Variants in PEX5L observed in about 807,000 individuals in gnomAD.
PEX5L encodes peroxisomal biogenesis factor 5 like.
PEX5L carries 30 observed loss-of-function variants against 84.0 expected under a neutral mutation model. The ratio of observed to expected loss-of-function variants is 0.36; its 90% CI spans 0.27 to 0.48. PEX5L has a LOEUF of 0.48. Ranked by LOEUF, PEX5L falls within the 20% of genes least tolerant of loss-of-function variation. The pLI, the probability that PEX5L is intolerant of heterozygous loss-of-function variation, is 0.99. For missense variants in PEX5L, 533 were observed against 754.6 expected (o/e 0.71, Z 3.44); for synonymous variants, 270 against 283.1 (o/e 0.95, Z 0.46).
rs1718901670 is a variant in PEX5L at position 179,801,715 on chromosome 3, C to T, written c.*113G>A. On this transcript the variant is annotated 3_prime_UTR_variant, in exon 15 of 15. Coordinates refer to ENST00000467460, the MANE Select transcript of PEX5L (RefSeq NM_016559.3). Reference sequence around the variant, plus strand: ...AATTAATTTCCTTGGGCTATATGACCATGGCCTTTTGAATATTTGATTTAT... The same window carrying T: ...AATTAATTTCCTTGGGCTATATGACTATGGCCTTTTGAATATTTGATTTAT... 3.8e-6 allele frequency: 3 copies of T among 787,798 alleles called. No individual in the cohort carries two copies. The highest frequency in any genetic ancestry group is 3.5e-5 in the African/African-American group (2 of 57,930). The allele number at this position is 787,798 out of a possible 1,614,324, so 48.8% of individuals were successfully genotyped here. A position where few individuals can be genotyped will look rare whatever the true frequency, so the allele number is the denominator to read the frequency against.
chr3:179,901,728 G>A (rs74368331), intron 2 of PEX5L, among the ~76,000 whole-genome samples: 2,933 of 152,062 alleles, frequency 0.019, 71 homozygotes, highest in African/African-American at 0.061. Flanking sequence ...TATTTCTTCC[G>A]TCATTTGTTT....
intron 2 of PEX5L, among the ~76,000 whole-genome samples, chr3:179,926,280 A>G (rs1258986535): frequency 6.6e-6 from 1 of 152,176 alleles, no homozygotes; most frequent in Admixed American, 6.5e-5. Flanking sequence ...CAACCAGAGG[A>G]AAAGGCAAAT....
chr3:179,916,414 A>AAAT (rs1767114894), intron 2 of PEX5L, among the ~76,000 whole-genome samples: 1 of 152,184 alleles, frequency 6.6e-6, no homozygotes, highest in African/African-American at 2.4e-5. Flanking sequence ...TGTAGAGTAA[A>AAAT]AATATAATAT....
intron 7 of PEX5L, among the ~76,000 whole-genome samples, chr3:179,871,944 T>C (rs1288198661): frequency 6.6e-6 from 1 of 152,192 alleles, no homozygotes; most frequent in Non-Finnish European, 1.5e-5. Context: ...TGGAGTGCAG[T>C]GGCTCAGTCT....
intron 2 of PEX5L, among the ~76,000 whole-genome samples, chr3:179,963,394 G>C (rs1782550955): frequency 1.3e-5 from 2 of 152,246 alleles, no homozygotes; most frequent in Non-Finnish European, 2.9e-5. Flanking sequence ...TTCTTTGGAA[G>C]TACTTCAATT....
At chr3:179,831,778 C>T (rs1322685476) in intron 8 of PEX5L, among the ~76,000 whole-genome samples, 8 of 152,056 alleles carry the variant, frequency 5.3e-5, no homozygotes, top group Non-Finnish European at 1.2e-4. Flanking sequence ...AAGAAAATTT[C>T]CAGTAGGAGG....
At position 180,003,328 on chromosome 3, in the gene PEX5L, G is replaced by T. The variant is rs115784596; in HGVS notation, c.22-31663C>A. Among the ~76,000 whole-genome samples, 635 of 151,872 alleles carry T rather than the reference G, an allele frequency of 4.2e-3. 10 individuals are homozygous for T. The highest frequency in any genetic ancestry group is 0.015 in the African/African-American group (609 of 41,414). On this transcript the variant is annotated intron_variant, in intron 1 of 14. Transcript: ENST00000467460. ...CCATGCTTATGTGTTTCTGAGTGAG[G>T]AGCATATTAGGTTTTGTAAAAGACT...
At chr3:179,945,274 C>T (rs888456198) in intron 2 of PEX5L, among the ~76,000 whole-genome samples, 1 of 152,088 alleles carries the variant, frequency 6.6e-6, no homozygotes, top group South Asian at 2.1e-4. Flanking sequence ...ATTGGGACAC[C>T]AGGGCTGGGA....
rs1166520048 is a variant in PEX5L at position 179,799,477 on chromosome 3, T to G, written c.*2351A>C. The G allele has an allele frequency of 1.3e-5, 2 of 152,198 alleles. No homozygotes were observed. The highest frequency in any genetic ancestry group is 1.3e-4 in the Admixed American group (2 of 15,278). The allele number at this position is 152,198 out of a possible 1,614,324, so 9.4% of individuals were successfully genotyped here. The stretch of plus-strand genomic sequence containing the variant: ...TGTGTTCCAATAGCAAAATAAAACT[T>G]GGGCCACAAAATTTGCCACCATTTA... On this transcript the variant is annotated 3_prime_UTR_variant, in exon 15 of 15. Coordinates refer to ENST00000467460, the MANE Select transcript of PEX5L (RefSeq NM_016559.3).
chr3:179,849,216 T>C (rs954778317), intron 8 of PEX5L, among the ~76,000 whole-genome samples: 1 of 152,258 alleles, frequency 6.6e-6, no homozygotes, highest in Admixed American at 6.5e-5. Context: ...ACTTTATTGC[T>C]ATTTATACAA....
intron 1 of PEX5L, among the ~76,000 whole-genome samples, chr3:180,013,659 C>T (rs992731157): frequency 5.3e-5 from 8 of 152,042 alleles, no homozygotes; most frequent in Admixed American, 3.9e-4. Context: ...CTTAGTAGAA[C>T]GCCTGGTATA....
At chr3:179,877,899 G>A (rs1025503468) in intron 5 of PEX5L, among the ~76,000 whole-genome samples, 2 of 152,198 alleles carry the variant, frequency 1.3e-5, no homozygotes, top group South Asian at 4.1e-4. Flanking sequence ...GATGGCAGGG[G>A]AGAGGCGTTC....
chr3:179,945,079 T>C (rs1207308824), intron 2 of PEX5L, among the ~76,000 whole-genome samples: 1 of 152,336 alleles, frequency 6.6e-6, no homozygotes, highest in Non-Finnish European at 1.5e-5. Context: ...TCTTTGGACA[T>C]AACAGAGTGA....
intron 2 of PEX5L, among the ~76,000 whole-genome samples, chr3:179,917,589 A>G (rs1010746203): frequency 6.6e-6 from 1 of 152,110 alleles, no homozygotes; most frequent in African/African-American, 2.4e-5. Context: ...GGTGATAGGA[A>G]TTTTTCAGTT....
At chr3:179,873,286 C>A (rs1750994339) in intron 7 of PEX5L, among the ~76,000 whole-genome samples, 1 of 152,066 alleles carries the variant, frequency 6.6e-6, no homozygotes, top group Non-Finnish European at 1.5e-5. Context: ...TCAGTAATAT[C>A]TGCTATTATT....
chr3:179,974,125 G>A (rs976312369), intron 1 of PEX5L: 22 of 985,376 alleles, frequency 2.2e-5, no homozygotes, highest in Middle Eastern at 5.2e-4. Context: ...CCTCCCAGCC[G>A]GGAATCCCTG....
chr3:179,870,040 T>G (rs1749747859), intron 7 of PEX5L, among the ~76,000 whole-genome samples: 1 of 152,128 alleles, frequency 6.6e-6, no homozygotes, highest in Non-Finnish European at 1.5e-5. Context: ...TCAGATGAAC[T>G]TTACCAGGCT....
intron 2 of PEX5L, among the ~76,000 whole-genome samples, chr3:179,937,230 G>A (rs1578686408): frequency 6.6e-6 from 1 of 152,266 alleles, no homozygotes; most frequent in African/African-American, 2.4e-5. Flanking sequence ...AACTGCAGAT[G>A]AAATCCAAAC....
chr3:180,033,815 A>G (rs1404469676), intron 1 of PEX5L, among the ~76,000 whole-genome samples: 1 of 152,236 alleles, frequency 6.6e-6, no homozygotes, highest in African/African-American at 2.4e-5. Flanking sequence ...GCAGCTGGAT[A>G]AAAACATAGC....
Sources: allele counts gnomAD v4.1 joint callset (sites outside exome capture counted in the v4.1 genomes callset), GRCh38; gene constraint gnomAD v4.1.1; transcripts MANE v1.5; gene names NCBI Gene and HGNC (gene_info 2026-07-23, HGNC 2026-07-21).